The following ARFGEF2 variants were observed in gnomAD, a reference collection of about 807,000 sequenced individuals.
ARFGEF2 encodes the protein brefeldin A-inhibited guanine nucleotide-exchange protein 2.
Under a neutral mutation model 219.9 loss-of-function variants are expected in ARFGEF2, and 74 were observed. That is an observed-to-expected ratio of 0.34 (90% confidence interval 0.28 to 0.41). The LOEUF is 0.41. Ranked by LOEUF, ARFGEF2 falls within the 10% of genes least tolerant of loss-of-function variation. The probability of loss-of-function intolerance (pLI) is 1.00; values close to 1 mark genes in which losing one functional copy is unlikely to be tolerated. For missense variants in ARFGEF2, 1,743 were observed against 2,218.3 expected (o/e 0.79, Z 4.30); for synonymous variants, 733 against 799.2 (o/e 0.92, Z 1.40).
At chr20:49,014,474 A>C (rs1464306115) in intron 30 of ARFGEF2, among the ~76,000 whole-genome samples, 1 of 152,056 alleles carries the variant, frequency 6.6e-6, no homozygotes, top group African/African-American at 2.4e-5. Context: ...TAACCTTTTT[A>C]TTTCTTTTGG....
rs2091515836 is a variant in ARFGEF2 at position 49,013,932 on chromosome 20, A to G, written c.4151A>G (p.Asn1384Ser). 2 of 1,614,092 alleles carry G rather than the reference A, an allele frequency of 1.2e-6. No homozygotes were observed. The highest frequency in any genetic ancestry group is 2.2e-5 in the East Asian group (1 of 44,878). The change falls in exon 30 of 39, where the codon AAT (asparagine) becomes AGT (serine). Residue 1384 changes from asparagine to serine, a missense_variant. Asn to Ser is a conservative substitution (Grantham distance 46, BLOSUM62 1). This residue lies in a region of ARFGEF2 where 578 missense variants were observed against 664.0 expected (regional missense o/e 0.87). Transcript: ENST00000371917. ...AGAATCGTGTTTCGGATTTTTGACAATATGAAACTCCCTGAGCAACTGTCA... is the reference window on the plus strand; with the variant it reads ...AGAATCGTGTTTCGGATTTTTGACAGTATGAAACTCCCTGAGCAACTGTCA... ...LFRIVFRIFD[N>S]MKLPEQLSEK... is the part of the protein sequence containing the mutation.
At chr20:48,992,271 A>G (rs2091361592) in intron 21 of ARFGEF2, among the ~76,000 whole-genome samples, 1 of 152,256 alleles carries the variant, frequency 6.6e-6, no homozygotes, top group Non-Finnish European at 1.5e-5. Flanking sequence ...TCTGTCTGAG[A>G]AATAGAATTA....
At chr20:48,931,157 A>G (rs941477470) in intron 1 of ARFGEF2, among the ~76,000 whole-genome samples, 4 of 152,320 alleles carry the variant, frequency 2.6e-5, no homozygotes, top group South Asian at 4.1e-4. Flanking sequence ...GACGGTGAAC[A>G]TAGACAACTC....
In ARFGEF2 at chr20:48,999,193, G is replaced by A. The variant is rs758364404; in HGVS notation, c.3432+688G>A. The A allele has an allele frequency of 1.1e-4, 46 of 424,506 alleles. No homozygotes were observed. In the East Asian group the frequency reaches 1.2e-3, roughly 11 times the overall value. The allele number at this position is 424,506 out of a possible 1,614,324, so 26.3% of individuals were successfully genotyped here. ...GTGGAGGTTGCAGTGAGTCGAGATC[G>A]CACCACTGCACCCCAGCCTGGGTAA... On this transcript the variant is annotated intron_variant, in intron 25 of 38. Coordinates refer to ENST00000371917, the MANE Select transcript of ARFGEF2 (RefSeq NM_006420.3).
chr20:48,936,889 A>G (rs534191785), intron 1 of ARFGEF2, among the ~76,000 whole-genome samples: 1 of 152,228 alleles, frequency 6.6e-6, no homozygotes, highest in South Asian at 2.1e-4. Context: ...TTTTGGCCAC[A>G]TAAATGTCTT....
chr20:48,984,606 C>G, intron 14 of ARFGEF2, 123 bp from the exon 15 acceptor site: 1 of 1,274,410 alleles, frequency 7.8e-7, no homozygotes, highest in Admixed American at 1.7e-5. Context: ...CAGACATGAC[C>G]TTGCTAGCTT....
intron 25 of ARFGEF2, chr20:48,999,298 TA>T (rs2091410401): frequency 2.3e-6 from 1 of 437,850 alleles, no homozygotes. Context: ...ATCTGGGTTC[TA>T]AAACTGACAA....
chr20:48,963,950 G>T (rs1012946341), intron 7 of ARFGEF2, 52 bp downstream of exon 7: 18 of 1,564,476 alleles, frequency 1.2e-5, no homozygotes, highest in Non-Finnish European at 1.6e-5. Flanking sequence ...CCTCCAAAAA[G>T]TCCTCAGCAA....
intron 1 of ARFGEF2, among the ~76,000 whole-genome samples, chr20:48,925,930 C>G (rs1230247375): frequency 6.6e-6 from 1 of 152,094 alleles, no homozygotes; most frequent in Non-Finnish European, 1.5e-5. Context: ...AGTAAACATA[C>G]GTATTTTCAT....
intron 23 of ARFGEF2, among the ~76,000 whole-genome samples, chr20:48,997,265 T>TATTGATTGATTG (rs11471982): frequency 1.1e-3 from 167 of 150,946 alleles, no homozygotes; most frequent in South Asian, 5.5e-3. Flanking sequence ...ATATCTTATG[T>TATTGATTGATTG]ATTGATTGAT....
chr20:48,995,326 G>C (rs2091379562), intron 22 of ARFGEF2, among the ~76,000 whole-genome samples: 4 of 152,158 alleles, frequency 2.6e-5, no homozygotes, highest in Non-Finnish European at 4.4e-5. Flanking sequence ...ATAGTACAGT[G>C]TCATGGTTAA....
intron 1 of ARFGEF2, among the ~76,000 whole-genome samples, chr20:48,930,024 C>A (rs1342639158): frequency 6.6e-6 from 1 of 152,046 alleles, no homozygotes; most frequent in Non-Finnish European, 1.5e-5. Flanking sequence ...TAGGGGAAGA[C>A]CAGAGGGATT....
At chr20:48,924,096 T>C (rs2090860767) in intron 1 of ARFGEF2, among the ~76,000 whole-genome samples, 2 of 152,236 alleles carry the variant, frequency 1.3e-5, no homozygotes, top group Admixed American at 1.3e-4. Flanking sequence ...TAATTGTGTG[T>C]CATTGCTGTT....
chr20:49,010,089 A>G, intron 26 of ARFGEF2, 143 bp from the exon 27 acceptor site: 2 of 972,686 alleles, frequency 2.1e-6, no homozygotes, highest in Non-Finnish European at 3.1e-6. Flanking sequence ...AATGGAAGTG[A>G]GAGGAAACGG....
intron 6 of ARFGEF2, 77 bp downstream of exon 6, chr20:48,953,867 T>C (rs1460429699): frequency 7.3e-7 from 1 of 1,365,384 alleles, no homozygotes; most frequent in African/African-American, 1.4e-5. Flanking sequence ...GAAGTGTATG[T>C]CATAACATCT....
At chr20:49,031,083 TATA>T (rs1165432050) in intron 37 of ARFGEF2, among the ~76,000 whole-genome samples, 3 of 152,136 alleles carry the variant, frequency 2.0e-5, no homozygotes, top group Admixed American at 6.6e-5. Flanking sequence ...GAAAGGCAGT[TATA>T]TAATTATGAG....
chr20:48,950,809 AAAATATATATATAT>A (rs1210962658), intron 3 of ARFGEF2, among the ~76,000 whole-genome samples: 10 of 41,150 alleles, frequency 2.4e-4, no homozygotes, highest in African/African-American at 7.3e-4. Context: ...AAAAAAAAAA[AAAATATATATATAT>A]ATATATATAT....
intron 6 of ARFGEF2, among the ~76,000 whole-genome samples, chr20:48,961,754 C>T (rs1364896381): frequency 6.6e-6 from 1 of 151,796 alleles, no homozygotes; most frequent in Non-Finnish European, 1.5e-5. Flanking sequence ...ATCCCAGTTA[C>T]TCAGGAGGCT....
rs2091233357 is a variant in ARFGEF2 at position 48,972,298 on chromosome 20, T to G, written c.1426-28T>G. 3.3e-6 allele frequency: 5 copies of G among 1,508,236 alleles called. No homozygotes were observed. In the South Asian group the frequency reaches 4.5e-5, roughly 14 times the overall value. The allele number at this position is 1,508,236 out of a possible 1,614,324, so 93.4% of individuals were successfully genotyped here. A position where few individuals can be genotyped will look rare whatever the true frequency, so the allele number is the denominator to read the frequency against. ...AGCCCTGGTTGAAACTGTTAATTAG[T>G]GTCCTCCTTTGTCTTTATGTCATAT... is the stretch of plus-strand genomic sequence containing the variant. On this transcript the variant is annotated intron_variant, in intron 10 of 38. Coordinates refer to ENST00000371917, the MANE Select transcript of ARFGEF2 (RefSeq NM_006420.3).
Sources: allele counts gnomAD v4.1 joint callset (sites outside exome capture counted in the v4.1 genomes callset), GRCh38; gene constraint gnomAD v4.1.1; regional missense constraint gnomAD v4.1.1; transcripts MANE v1.5; gene names NCBI Gene and HGNC (gene_info 2026-07-23, HGNC 2026-07-21).